Variants in MACROD2 observed in about 807,000 individuals in gnomAD.
The protein encoded by MACROD2 is ADP-ribose glycohydrolase MACROD2.
MACROD2 carries 36 observed loss-of-function variants against 70.4 expected under a neutral mutation model. The ratio of observed to expected loss-of-function variants is 0.51; its 90% confidence interval spans 0.39 to 0.68. The LOEUF is 0.68. MACROD2 is among the 30% of genes least tolerant of loss of function. MACROD2 has a pLI of 0.00. For synonymous variants in MACROD2, 172 were observed against 178.8 expected, an observed-to-expected ratio of 0.96 and a Z score of 0.30; for missense variants, 496 against 538.4, an observed-to-expected ratio of 0.92 and a Z score of 0.78.
At chr20:14,802,963 G>A (rs6105329) in intron 5 of MACROD2, among the ~76,000 whole-genome samples, 3,040 of 151,876 alleles carry the variant, frequency 0.02, 98 homozygotes, top group East Asian at 0.11. Flanking sequence ...TCTTTCACCC[G>A]TTGCTTAACG....
chr20:14,792,956 A>T (rs867312845), intron 5 of MACROD2, among the ~76,000 whole-genome samples: 2 of 151,984 alleles, frequency 1.3e-5, no homozygotes, highest in African/African-American at 4.8e-5. Flanking sequence ...GATTTTTTTT[A>T]AATGTCTAAT....
chr20:14,788,763 G>GTTTTTTTTT (rs1195877119), intron 5 of MACROD2, among the ~76,000 whole-genome samples: 4 of 79,476 alleles, frequency 5.0e-5, no homozygotes, highest in Non-Finnish European at 6.7e-5. Flanking sequence ...TAGTGGTGGT[G>GTTTTTTTTT]TTTTTTTTTT....
chr20:16,021,710 A>T (rs962126566), intron 15 of MACROD2, among the ~76,000 whole-genome samples: 1 of 152,206 alleles, frequency 6.6e-6, no homozygotes, highest in East Asian at 1.9e-4. Context: ...ACTTTTACCT[A>T]TTAGGAACCT....
At position 15,180,520 on chromosome 20, in the gene MACROD2, G is replaced by A. The variant is rs549944430; in HGVS notation, c.419-49420G>A. On this transcript the variant is annotated intron_variant, in intron 5 of 17. Coordinates refer to ENST00000684519, the MANE Select transcript of MACROD2 (RefSeq NM_001351661.2). Reference sequence around the variant, plus strand: ...CCCTTTATTTCATTTGCAGCTGTTAGCCTGGAGGAATTTCTAGTTCAACAG... The same window carrying A: ...CCCTTTATTTCATTTGCAGCTGTTAACCTGGAGGAATTTCTAGTTCAACAG... Among the ~76,000 whole-genome samples, 234 of 152,292 alleles carry A rather than the reference G, an allele frequency of 1.5e-3. 1 individual carries two copies. Among genetic ancestry groups the A allele is most frequent in the African/African-American group, 5.4e-3 (225 of 41,564 alleles).
At chr20:15,664,520 A>G (rs2049869851) in intron 8 of MACROD2, among the ~76,000 whole-genome samples, 2 of 152,128 alleles carry the variant, frequency 1.3e-5, no homozygotes, top group Admixed American at 1.3e-4. Context: ...CCAATCATTT[A>G]TTTTGACTTA....
chr20:15,673,744 G>A (rs942133183), intron 8 of MACROD2, among the ~76,000 whole-genome samples: 4 of 149,108 alleles, frequency 2.7e-5, no homozygotes, highest in Non-Finnish European at 5.9e-5. Flanking sequence ...AGTGTTCTAG[G>A]TATAATACTT....
chr20:14,130,409 G>A (rs1329292583), intron 3 of MACROD2, among the ~76,000 whole-genome samples: 9 of 152,028 alleles, frequency 5.9e-5, no homozygotes, highest in South Asian at 2.1e-4. Context: ...TTAGCCGAGC[G>A]TGATGGCGGG....
intron 6 of MACROD2, among the ~76,000 whole-genome samples, chr20:15,316,869 G>C (rs980432168): frequency 6.6e-6 from 1 of 152,048 alleles, no homozygotes; most frequent in Non-Finnish European, 1.5e-5. Context: ...ATGACATGAA[G>C]TTAGAAACCA....
chr20:15,161,486 C>G (rs1469196120), intron 5 of MACROD2, among the ~76,000 whole-genome samples: 2 of 151,748 alleles, frequency 1.3e-5, no homozygotes, highest in African/African-American at 4.8e-5. Context: ...TTCTTCTGAT[C>G]TTAGATCAAG....
At chr20:14,709,666 T>A (rs1047424874) in intron 5 of MACROD2, among the ~76,000 whole-genome samples, 12 of 152,318 alleles carry the variant, frequency 7.9e-5, no homozygotes, top group Non-Finnish European at 1.5e-4. Flanking sequence ...GCCATAAAAC[T>A]GAAAAATCAT....
At chr20:15,982,214 G>T (rs778740741) in intron 13 of MACROD2, among the ~76,000 whole-genome samples, 5 of 152,088 alleles carry the variant, frequency 3.3e-5, no homozygotes, top group Non-Finnish European at 7.4e-5. Flanking sequence ...CATCGGGCAG[G>T]TCACTTCCTG....
chr20:15,203,667 A>T (rs1426054285), intron 5 of MACROD2, among the ~76,000 whole-genome samples: 1 of 149,302 alleles, frequency 6.7e-6, no homozygotes, highest in African/African-American at 2.6e-5. Context: ...AACTAAACTA[A>T]GATAATTTAA....
intron 5 of MACROD2, among the ~76,000 whole-genome samples, chr20:14,875,928 A>G (rs2073545604): frequency 2.0e-5 from 3 of 152,132 alleles, no homozygotes; most frequent in Admixed American, 2.0e-4. Context: ...GCTATTGTGA[A>G]TAGAACTATG....
At chr20:14,825,231 T>C (rs979127429) in intron 5 of MACROD2, among the ~76,000 whole-genome samples, 2 of 151,956 alleles carry the variant, frequency 1.3e-5, no homozygotes, top group Non-Finnish European at 2.9e-5. Flanking sequence ...CAAGTACCGC[T>C]CCTGTGCCAC....
At chr20:15,554,764 A>G (rs1276354176) in intron 8 of MACROD2, among the ~76,000 whole-genome samples, 1 of 152,204 alleles carries the variant, frequency 6.6e-6, no homozygotes, top group Non-Finnish European at 1.5e-5. Flanking sequence ...AAGCTGGGCC[A>G]TTTAAGGAGG....
chr20:14,529,323 A>G (rs1330456062), intron 4 of MACROD2, among the ~76,000 whole-genome samples: 1 of 152,208 alleles, frequency 6.6e-6, no homozygotes, highest in East Asian at 1.9e-4. Flanking sequence ...ATATATAATT[A>G]AGAACCCAGG....
rs556302999 is a variant in MACROD2 at position 16,044,727 on chromosome 20, G to A, written c.1300+88G>A. On this transcript the variant is annotated intron_variant, in intron 17 of 17. Coordinates refer to ENST00000684519, the MANE Select transcript of MACROD2 (RefSeq NM_001351661.2). ...GACATACTGGATTTCCCTTGGTTTT[G>A]CCAAGTCCCCACAGCATGGCTTGGG... 2.2e-4 allele frequency: 266 copies of A among 1,223,726 alleles called. 2 individuals carry two copies. The South Asian group carries it at 3.0e-3, about 14-fold the overall frequency. The allele number at this position is 1,223,726 out of a possible 1,614,324, so 75.8% of individuals were successfully genotyped here.
At chr20:14,811,396 T>C (rs1026900785) in intron 5 of MACROD2, among the ~76,000 whole-genome samples, 4 of 152,056 alleles carry the variant, frequency 2.6e-5, no homozygotes, top group African/African-American at 9.7e-5. Flanking sequence ...TGCAGAAAAC[T>C]GAAACTGGAC....
chr20:14,940,137 C>A (rs1466768002), intron 5 of MACROD2, among the ~76,000 whole-genome samples: 3 of 131,580 alleles, frequency 2.3e-5, no homozygotes, highest in Admixed American at 8.0e-5. Flanking sequence ...ATATGGAAAC[C>A]CTCATCTCTG....
Sources: allele counts gnomAD v4.1 joint callset (sites outside exome capture counted in the v4.1 genomes callset), GRCh38; gene constraint gnomAD v4.1.1; transcripts MANE v1.5; gene names NCBI Gene and HGNC (gene_info 2026-07-23, HGNC 2026-07-21).